MYRIP: variants seen among roughly 807,000 people sequenced by gnomAD.
The protein encoded by MYRIP is rab effector MyRIP.
MYRIP carries 49 observed loss-of-function variants against 98.0 expected under a neutral mutation model. That is an observed-to-expected ratio of 0.50 (90% CI 0.40 to 0.63). MYRIP has a LOEUF of 0.63. MYRIP is among the 30% of genes least tolerant of loss of function. The pLI is 0.00. For synonymous variants in MYRIP, 404 were observed against 409.5 expected (o/e 0.99, Z 0.16); for missense variants, 1,004 against 1,058.2 (o/e 0.95, Z 0.71).
intron 10 of MYRIP, among the ~76,000 whole-genome samples, chr3:40,202,456 T>C (rs9311237): frequency 0.93 from 141,040 of 152,222 alleles, 65,456 homozygotes; most frequent in Admixed American, 0.95. Flanking sequence ...GTTACTGAGG[T>C]AAACACAGTG....
intron 3 of MYRIP, among the ~76,000 whole-genome samples, chr3:40,050,822 T>G (rs1000711031): frequency 6.6e-5 from 10 of 152,092 alleles, no homozygotes; most frequent in Non-Finnish European, 8.8e-5. Flanking sequence ...CAGCCCACAC[T>G]GATGACTTTG....
intron 10 of MYRIP, among the ~76,000 whole-genome samples, chr3:40,204,005 T>TG (rs1384814210): frequency 5.5e-3 from 12 of 2,194 alleles, no homozygotes; most frequent in East Asian, 0.02. Context: ...ATATATTATA[T>TG]ATTATATATA....
Position 39,999,432 on chromosome 3 carries a change from C to G in MYRIP, c.111-44618C>G, listed in dbSNP as rs909904299. ...AACAGACACGTGAAAAAATGCTCAT[C>G]ATCACTGGCCATCAGAGAAATGCAA... On this transcript the variant is annotated intron_variant, in intron 2 of 16. Coordinates refer to ENST00000302541, the MANE Select transcript of MYRIP (RefSeq NM_015460.4). Among the ~76,000 whole-genome samples the G allele has an allele frequency of 1.6e-3, 241 of 152,312 alleles. 2 individuals are homozygous for G. The highest frequency in any genetic ancestry group is 5.6e-3 in the African/African-American group (234 of 41,570).
chr3:39,900,978 C>T (rs773544047), intron 2 of MYRIP, 52 bp downstream of exon 2: 37 of 1,388,874 alleles, frequency 2.7e-5, no homozygotes, highest in Admixed American at 3.4e-5. Flanking sequence ...TGTGGACAAG[C>T]GTAACAGGTT....
chr3:40,045,900 C>A (rs924040023), intron 3 of MYRIP, among the ~76,000 whole-genome samples: 1 of 151,970 alleles, frequency 6.6e-6, no homozygotes, highest in Admixed American at 6.6e-5. Flanking sequence ...ATGAAGGGGT[C>A]AGTCAGCCAG....
intron 2 of MYRIP, among the ~76,000 whole-genome samples, chr3:39,976,037 A>G (rs933969595): frequency 6.6e-6 from 1 of 152,238 alleles, no homozygotes; most frequent in Non-Finnish European, 1.5e-5. Flanking sequence ...ACAAAAGCCA[A>G]AATTGACAAA....
Position 40,190,362 on chromosome 3 carries a change from C to A in MYRIP, c.1564C>A (p.Arg522=). 6.2e-7 allele frequency: 1 copy of A among 1,613,814 alleles called. No homozygotes were observed. The highest frequency in any genetic ancestry group is 8.5e-7 in the Non-Finnish European group (1 of 1,179,884). ...GGAGGAGGCCCCCCACACCACAGACCGGCGGGCCAGGAGGTGGAGAAGAGC... is the reference window on the plus strand; with the variant it reads ...GGAGGAGGCCCCCCACACCACAGACAGGCGGGCCAGGAGGTGGAGAAGAGC... ...EPEEAPHTTD[R]RARRWRRARL... is the part of the protein sequence containing the mutation. Residue 522 remains arginine, a synonymous_variant, in exon 10 of 17, where the codon CGG becomes AGG. Coordinates refer to ENST00000302541, the MANE Select transcript of MYRIP (RefSeq NM_015460.4).
chr3:40,134,008 T>G (rs1442303075), intron 3 of MYRIP, among the ~76,000 whole-genome samples: 3 of 152,176 alleles, frequency 2.0e-5, no homozygotes, highest in African/African-American at 7.2e-5. Flanking sequence ...TGGGTTCATC[T>G]CACTGGGGAG....
intron 12 of MYRIP, among the ~76,000 whole-genome samples, chr3:40,237,313 T>A (rs1952851465): frequency 2.0e-5 from 3 of 152,160 alleles, no homozygotes; most frequent in Admixed American, 2.0e-4. Context: ...CTGGCACTAT[T>A]GACATTTGGA....
chr3:40,058,683 T>A (rs567401328), intron 3 of MYRIP, among the ~76,000 whole-genome samples: 84 of 151,380 alleles, frequency 5.5e-4, no homozygotes, highest in Non-Finnish European at 1.1e-3. Context: ...AATTGCATTT[T>A]TCCCTTCCCC....
intron 11 of MYRIP, among the ~76,000 whole-genome samples, chr3:40,218,629 T>TATATATATA (rs1952223316): frequency 4.4e-5 from 1 of 22,690 alleles, no homozygotes; most frequent in African/African-American, 6.4e-5. Context: ...TATATATATA[T>TATATATATA]ATATATATAT....
chr3:40,114,594 G>C (rs1413830512), intron 3 of MYRIP, among the ~76,000 whole-genome samples: 1 of 152,164 alleles, frequency 6.6e-6, no homozygotes, highest in Non-Finnish European at 1.5e-5. Context: ...CAAATCAATG[G>C]CAACAAGCCA....
chr3:40,163,479 C>T (rs1950440044), intron 5 of MYRIP, among the ~76,000 whole-genome samples: 1 of 152,226 alleles, frequency 6.6e-6, no homozygotes, highest in Admixed American at 6.5e-5. Context: ...GCATTTGAAT[C>T]ATAGACTGAG....
chr3:40,110,299 T>G (rs1949132507), intron 3 of MYRIP, among the ~76,000 whole-genome samples: 2 of 152,246 alleles, frequency 1.3e-5, no homozygotes, highest in Non-Finnish European at 2.9e-5. Flanking sequence ...AAGCCTGTTT[T>G]TATGAACATA....
intron 2 of MYRIP, among the ~76,000 whole-genome samples, chr3:39,950,622 C>T (rs1944988665): frequency 6.6e-6 from 1 of 152,106 alleles, no homozygotes; most frequent in Non-Finnish European, 1.5e-5. Flanking sequence ...GTCTCTCTTT[C>T]CATTTGTTCT....
chr3:39,872,137 C>T (rs926673903), intron 1 of MYRIP, among the ~76,000 whole-genome samples: 1 of 151,632 alleles, frequency 6.6e-6, no homozygotes, highest in Non-Finnish European at 1.5e-5. Context: ...GCTTTTTTCT[C>T]CTAATGTGAA....
At chr3:40,007,625 G>A (rs1009023605) in intron 2 of MYRIP, among the ~76,000 whole-genome samples, 2 of 152,200 alleles carry the variant, frequency 1.3e-5, no homozygotes, top group African/African-American at 4.8e-5. Context: ...CTGGCCCAGA[G>A]CAGACTACAG....
intron 1 of MYRIP, among the ~76,000 whole-genome samples, chr3:39,825,147 A>G (rs1470733891): frequency 6.6e-6 from 1 of 152,202 alleles, no homozygotes; most frequent in Non-Finnish European, 1.5e-5. Context: ...CTGCAGAGAC[A>G]ACTTGACTTT....
chr3:39,945,701 A>G (rs1464574338), intron 2 of MYRIP, among the ~76,000 whole-genome samples: 1 of 152,054 alleles, frequency 6.6e-6, no homozygotes, highest in Non-Finnish European at 1.5e-5. Flanking sequence ...CAAAAGAGAG[A>G]TCGCAGGTTA....
Sources: gnomAD v4.1 joint callset for allele counts (sites outside exome capture counted in the v4.1 genomes callset) on GRCh38, gnomAD v4.1.1 for gene constraint, MANE v1.5 for transcripts, NCBI Gene and HGNC (gene_info 2026-07-23, HGNC 2026-07-21) for gene names.